Variants in SNTG1 observed in about 807,000 individuals in gnomAD.
SNTG1 encodes the protein gamma-1-syntrophin.
SNTG1 carries 39 observed loss-of-function variants against 74.7 expected under a neutral mutation model. The ratio of observed to expected loss-of-function variants is 0.52; its 90% confidence interval spans 0.40 to 0.68. The LOEUF is 0.68. Ranked by LOEUF, SNTG1 falls within the 30% of genes least tolerant of loss-of-function variation. SNTG1 has a pLI of 0.00. For synonymous variants in SNTG1, 254 were observed against 217.1 expected (o/e 1.17, Z -1.49); for missense variants, 685 against 609.5 (o/e 1.12, Z -1.30).
At chr8:50,723,646 G>A (rs1261903092) in intron 17 of SNTG1, among the ~76,000 whole-genome samples, 1 of 152,180 alleles carries the variant, frequency 6.6e-6, no homozygotes, top group Non-Finnish European at 1.5e-5. Flanking sequence ...TTTTACAAAA[G>A]TTGGAATTAT....
At chr8:50,200,094 G>A (rs1233413678) in intron 2 of SNTG1, among the ~76,000 whole-genome samples, 1 of 152,110 alleles carries the variant, frequency 6.6e-6, no homozygotes, top group African/African-American at 2.4e-5. Flanking sequence ...CATAATAACA[G>A]CAAATATTTT....
intron 1 of SNTG1, among the ~76,000 whole-genome samples, chr8:49,982,229 C>T (rs575416177): frequency 6.6e-6 from 1 of 152,128 alleles, no homozygotes; most frequent in East Asian, 1.9e-4. Flanking sequence ...TGTATGGGCA[C>T]ATAAAAATTT....
intron 1 of SNTG1, among the ~76,000 whole-genome samples, chr8:49,944,417 T>C (rs907564305): frequency 1.3e-5 from 2 of 151,628 alleles, no homozygotes; most frequent in African/African-American, 4.8e-5. Context: ...ACATACATTC[T>C]TTCTTTCTTT....
intron 12 of SNTG1, among the ~76,000 whole-genome samples, chr8:50,560,001 C>T (rs935166746): frequency 2.0e-5 from 3 of 152,106 alleles, no homozygotes; most frequent in African/African-American, 7.2e-5. Context: ...TATCTGGCGT[C>T]TACAAGTAAC....
intron 15 of SNTG1, among the ~76,000 whole-genome samples, chr8:50,667,735 C>T (rs1467176278): frequency 6.6e-6 from 1 of 151,864 alleles, no homozygotes; most frequent in Non-Finnish European, 1.5e-5. Flanking sequence ...CATTTTCTGA[C>T]TATAATTATA....
intron 2 of SNTG1, among the ~76,000 whole-genome samples, chr8:50,264,821 A>G (rs947510285): frequency 2.6e-5 from 4 of 152,092 alleles, no homozygotes; most frequent in Admixed American, 6.5e-5. Context: ...AGCTTGCAGA[A>G]TTAATGAAGA....
At chr8:50,772,820 A>C (rs1379361185) in intron 18 of SNTG1, among the ~76,000 whole-genome samples, 4 of 151,984 alleles carry the variant, frequency 2.6e-5, no homozygotes, top group Non-Finnish European at 5.9e-5. Context: ...GTGAGATCTT[A>C]CTCTTGTGGA....
At chr8:50,213,534 A>G (rs986143744) in intron 2 of SNTG1, among the ~76,000 whole-genome samples, 4 of 152,206 alleles carry the variant, frequency 2.6e-5, no homozygotes, top group African/African-American at 9.6e-5. Context: ...CAATCACAGC[A>G]TTAGAAAAAA....
intron 1 of SNTG1, among the ~76,000 whole-genome samples, chr8:49,916,068 G>A (rs1295227138): frequency 1.3e-5 from 2 of 152,124 alleles, no homozygotes; most frequent in African/African-American, 2.4e-5. Context: ...GGAAATATAA[G>A]TCAATGTTTG....
chr8:50,763,692 G>GTGTGTGTGTGT (rs1563817376), intron 18 of SNTG1, among the ~76,000 whole-genome samples: 30 of 133,216 alleles, frequency 2.3e-4, no homozygotes, highest in South Asian at 4.9e-4. Flanking sequence ...GTGTGTGTGT[G>GTGTGTGTGTGT]GTTTTAAGAG....
At chr8:50,287,123 C>T (rs553331459) in intron 2 of SNTG1, among the ~76,000 whole-genome samples, 1 of 152,142 alleles carries the variant, frequency 6.6e-6, no homozygotes, top group South Asian at 2.1e-4. Context: ...ACTGGGTTCC[C>T]CTAGAGAACC....
chr8:50,476,750 C>T (rs1298215863), intron 8 of SNTG1, among the ~76,000 whole-genome samples: 1 of 152,074 alleles, frequency 6.6e-6, no homozygotes, highest in African/African-American at 2.4e-5. Flanking sequence ...GAAATGAGCA[C>T]ACCTAGTACC....
chr8:50,246,882 C>T (rs1165182793), intron 2 of SNTG1, among the ~76,000 whole-genome samples: 1 of 152,160 alleles, frequency 6.6e-6, no homozygotes, highest in African/African-American at 2.4e-5. Context: ...TTCAATTGTG[C>T]TTTGTCTTCT....
intron 13 of SNTG1, among the ~76,000 whole-genome samples, chr8:50,603,334 C>T (rs968283480): frequency 3.3e-5 from 5 of 152,188 alleles, no homozygotes; most frequent in African/African-American, 1.2e-4. Flanking sequence ...CATTTTTCAA[C>T]TCTAGAATTT....
At chr8:50,763,950 A>C (rs572337244) in intron 18 of SNTG1, among the ~76,000 whole-genome samples, 3 of 149,970 alleles carry the variant, frequency 2.0e-5, no homozygotes, top group African/African-American at 7.3e-5. Flanking sequence ...TAGGAATTAA[A>C]ACAGCAGAAT....
intron 2 of SNTG1, among the ~76,000 whole-genome samples, chr8:50,199,946 T>C (rs749919917): frequency 6.6e-6 from 1 of 152,192 alleles, no homozygotes; most frequent in Non-Finnish European, 1.5e-5. Context: ...ATTTGGGCGC[T>C]AATAGGATGA....
chr8:50,373,229 T>C (rs551379190), intron 2 of SNTG1, among the ~76,000 whole-genome samples: 1 of 152,366 alleles, frequency 6.6e-6, no homozygotes, highest in East Asian at 1.9e-4. Flanking sequence ...TAATTCTTTT[T>C]GGTTAGTGAT....
chr8:50,172,947 G>T (rs1196560798), intron 2 of SNTG1, among the ~76,000 whole-genome samples: 2 of 150,070 alleles, frequency 1.3e-5, no homozygotes, highest in Non-Finnish European at 3.0e-5. Flanking sequence ...ATAGGAATGA[G>T]AAAAATCATT....
Position 50,494,120 on chromosome 8 carries a change from T to TAC in SNTG1, c.364-8638_364-8637dup, listed in dbSNP as rs911727660. ...GGAGAAACATGTATATATGTATATATACACACACACACACACACACATATA... is the reference window on the plus strand; with the variant it reads ...GGAGAAACATGTATATATGTATATATACACACACACACACACACACACATATA... On this transcript the variant is annotated intron_variant, in intron 8 of 18. Coordinates refer to ENST00000642720, the MANE Select transcript of SNTG1 (RefSeq NM_018967.5). 9.5e-3 allele frequency among the ~76,000 whole-genome samples: 1,414 copies of TAC among 148,846 alleles called. 18 individuals carry two copies. Among genetic ancestry groups the TAC allele is most frequent in the African/African-American group, 0.024 (985 of 40,680 alleles).
Sources: gnomAD v4.1 joint callset for allele counts (sites outside exome capture counted in the v4.1 genomes callset) on GRCh38, gnomAD v4.1.1 for gene constraint, MANE v1.5 for transcripts, NCBI Gene and HGNC (gene_info 2026-07-23, HGNC 2026-07-21) for gene names.